Variants in DNAAF9 observed in about 807,000 individuals in gnomAD.
DNAAF9 encodes the protein dynein axonemal assembly factor 9, also known as shulin.
A neutral mutation model predicts 167.0 loss-of-function variants in DNAAF9; 90 were observed. The observed-to-expected ratio is 0.54, with a 90% CI of 0.45 to 0.64. The LOEUF (loss-of-function observed/expected upper bound fraction) is 0.64. DNAAF9 is among the 30% of genes least tolerant of loss of function. The pLI is 0.00. For missense variants in DNAAF9, 1,315 were observed against 1,442.2 expected (o/e 0.91, Z 1.43); for synonymous variants, 491 against 508.8 (o/e 0.96, Z 0.47).
chr20:3,353,380 T>G (rs914768787), intron 7 of DNAAF9, among the ~76,000 whole-genome samples: 1 of 151,996 alleles, frequency 6.6e-6, no homozygotes, highest in Non-Finnish European at 1.5e-5. Flanking sequence ...GTGCGGTGGC[T>G]CATCCACTTT....
At chr20:3,373,363 C>G (rs2083534772) in intron 6 of DNAAF9, among the ~76,000 whole-genome samples, 1 of 152,114 alleles carries the variant, frequency 6.6e-6, no homozygotes, top group Non-Finnish European at 1.5e-5. Context: ...AGTGGGGATC[C>G]CATGGAGGCA....
At chr20:3,273,757 T>C (rs539127364) in intron 29 of DNAAF9, among the ~76,000 whole-genome samples, 1 of 152,324 alleles carries the variant, frequency 6.6e-6, no homozygotes, top group Admixed American at 6.5e-5. Context: ...ATCTAATTTA[T>C]ATCAGAAGTG....
At chr20:3,371,333 CTTTTTTTTTT>C (rs532202424) in intron 6 of DNAAF9, among the ~76,000 whole-genome samples, 1 of 84,076 alleles carries the variant, frequency 1.2e-5, no homozygotes, top group Non-Finnish European at 2.2e-5. Context: ...TGAAGAAAAT[CTTTTTTTTTT>C]TTTTTTTTTT....
At chr20:3,313,607 A>G (rs2069451105) in intron 20 of DNAAF9, among the ~76,000 whole-genome samples, 2 of 152,220 alleles carry the variant, frequency 1.3e-5, no homozygotes, top group Admixed American at 1.3e-4. Flanking sequence ...AGGAACTTGC[A>G]GTAAATCCCT....
intron 9 of DNAAF9, among the ~76,000 whole-genome samples, chr20:3,342,834 A>G (rs1468277836): frequency 1.3e-5 from 2 of 152,152 alleles, no homozygotes; most frequent in Non-Finnish European, 2.9e-5. Context: ...ATCATGACAA[A>G]AGAGATGTGG....
At chr20:3,343,036 T>TAAA (rs766121679) in intron 9 of DNAAF9, among the ~76,000 whole-genome samples, 74,169 of 150,304 alleles carry the variant, frequency 0.49, 18,248 homozygotes, top group Middle Eastern at 0.65. Context: ...TGATTATTTC[T>TAAA]ATTGCTGTGC....
intron 1 of DNAAF9, among the ~76,000 whole-genome samples, chr20:3,389,790 C>G (rs2083800489): frequency 2.0e-5 from 3 of 152,112 alleles, no homozygotes; most frequent in Admixed American, 1.3e-4. Context: ...AATCCCAACA[C>G]TTTGGGAGGC....
rs578085685 is a variant in DNAAF9, at chr20:3,342,656, ATTTT to A, written c.845+1016_845+1019del. ...AGGCTTTTAAAAGTAAGCATGGCTG[ATTTT>A]TTTTCTGAAGCTTAATTCAAGCTAG... On this transcript the variant is annotated intron_variant, in intron 9 of 36. Coordinates refer to ENST00000252032, the MANE Select transcript of DNAAF9 (RefSeq NM_001009984.3). Among the ~76,000 whole-genome samples the A allele has an allele frequency of 2.9e-3, 434 of 152,074 alleles. 1 individual carries two copies. The highest frequency in any genetic ancestry group is 8.1e-3 in the African/African-American group (335 of 41,498).
intron 25 of DNAAF9, among the ~76,000 whole-genome samples, chr20:3,293,321 A>G (rs2068999474): frequency 6.9e-6 from 1 of 144,566 alleles, no homozygotes; most frequent in African/African-American, 2.5e-5. Context: ...AAAAAAAAAG[A>G]GACTTATGGT....
intron 1 of DNAAF9, among the ~76,000 whole-genome samples, chr20:3,394,255 T>G (rs1335417975): frequency 6.6e-6 from 1 of 151,852 alleles, no homozygotes; most frequent in Non-Finnish European, 1.5e-5. Context: ...GGAGAATCAC[T>G]TGAACCCAGG....
intron 10 of DNAAF9, among the ~76,000 whole-genome samples, chr20:3,339,392 T>A (rs1300583484): frequency 6.6e-6 from 1 of 152,244 alleles, no homozygotes. Context: ...TAACAGGAAC[T>A]GAAGAAACAG....
In DNAAF9 at chr20:3,343,731, G is replaced by C. The variant is rs773472056; in HGVS notation, c.790C>G (p.Pro264Ala). Reference protein sequence around the residue: ...LELSESQAGEPFRSYFSHGMI... With the variant: ...LELSESQAGEAFRSYFSHGMI... ...CCATGACTGAAATAACTTCTGAATG[G>C]CTAAAAAGAAGCCAACATTGTATAT... Residue 264 changes from proline to alanine, a missense_variant and splice_region_variant, in exon 9 of 37, where the codon CCA becomes GCA. Physicochemically the swap from Pro to Ala is conservative, Grantham distance 27 (BLOSUM62 -1). Coordinates refer to ENST00000252032, the MANE Select transcript of DNAAF9 (RefSeq NM_001009984.3). The C allele has an allele frequency of 3.1e-6, 5 of 1,610,132 alleles. No homozygotes were observed. The East Asian group carries it at 1.1e-4, about 36-fold the overall frequency.
chr20:3,374,469 A>G (rs2083549918), intron 5 of DNAAF9, among the ~76,000 whole-genome samples: 1 of 152,266 alleles, frequency 6.6e-6, no homozygotes, highest in East Asian at 1.9e-4. Context: ...TTCAGTGGGA[A>G]TAATTATTAA....
chr20:3,367,407 A>G (rs1012119288), intron 6 of DNAAF9, among the ~76,000 whole-genome samples: 3 of 152,190 alleles, frequency 2.0e-5, no homozygotes, highest in Non-Finnish European at 4.4e-5. Flanking sequence ...TTTCCTTTGC[A>G]TTCACAACTT....
Position 3,250,800 on chromosome 20 carries a change from T to G in DNAAF9, c.*1772A>C, listed in dbSNP as rs2068183513. The G allele has an allele frequency of 1.3e-5, 2 of 152,270 alleles. No individual in the cohort carries two copies. Among genetic ancestry groups the G allele is most frequent in the South Asian group, 4.1e-4 (2 of 4,838 alleles). The allele number at this position is 152,270 out of a possible 1,614,324, so 9.4% of individuals were successfully genotyped here. A position where few individuals can be genotyped will look rare whatever the true frequency, so the allele number is the denominator to read the frequency against. On this transcript the variant is annotated 3_prime_UTR_variant, in exon 37 of 37. Transcript: ENST00000252032. ...CAGCAGCCCACTTAGAGAAATGGCC[T>G]GTGGTTCCCACCCCCCAACCCCTTT...
intron 20 of DNAAF9, 98 bp from the exon 21 acceptor site, chr20:3,304,641 T>A: frequency 1.5e-6 from 1 of 670,196 alleles, no homozygotes; most frequent in Non-Finnish European, 2.7e-6. Flanking sequence ...TAGAGGCCAG[T>A]ATCAGTAGCA....
At chr20:3,370,415 A>ATT (rs377469708) in intron 6 of DNAAF9, among the ~76,000 whole-genome samples, 41 of 144,432 alleles carry the variant, frequency 2.8e-4, no homozygotes, top group African/African-American at 6.9e-4. Flanking sequence ...TGCCTCGCTA[A>ATT]TTTTTTTTTT....
chr20:3,330,365 C>T (rs1364297631), intron 12 of DNAAF9, among the ~76,000 whole-genome samples: 2 of 152,146 alleles, frequency 1.3e-5, no homozygotes, highest in East Asian at 3.9e-4. Context: ...ACCTCAGCCT[C>T]CTGAGTAGCT....
intron 30 of DNAAF9, among the ~76,000 whole-genome samples, chr20:3,268,806 G>A (rs565316987): frequency 3.9e-4 from 59 of 151,382 alleles, no homozygotes; most frequent in Admixed American, 8.6e-4. Flanking sequence ...CCTCGTATAT[G>A]TGTGTACACA....
Sources: gnomAD v4.1 joint callset for allele counts (sites outside exome capture counted in the v4.1 genomes callset) on GRCh38, gnomAD v4.1.1 for gene constraint, MANE v1.5 for transcripts, NCBI Gene and HGNC (gene_info 2026-07-23, HGNC 2026-07-21) for gene names.